NCOR1: variants seen among roughly 807,000 people sequenced by gnomAD.
NCOR1 encodes the protein nuclear receptor corepressor 1, also known as protein phosphatase 1, regulatory subunit 109.
Under a neutral mutation model 288.1 loss-of-function variants are expected in NCOR1, and 63 were observed. The observed-to-expected ratio is 0.22, with a 90% confidence interval of 0.18 to 0.27. The LOEUF is 0.27. Ranked by LOEUF, NCOR1 falls within the 10% of genes least tolerant of loss-of-function variation. NCOR1 has a pLI of 1.00. For synonymous variants in NCOR1, 1,007 were observed against 1,065.9 expected, an observed-to-expected ratio of 0.94 and a Z score of 1.08; for missense variants, 2,397 against 3,019.2, an observed-to-expected ratio of 0.79 and a Z score of 4.83.
rs551209322 is a variant in NCOR1 at position 16,120,622 on chromosome 17, C to T, written c.1852+430G>A. Among the ~76,000 whole-genome samples, 8 of 152,072 alleles carry T rather than the reference C, an allele frequency of 5.3e-5. No homozygotes were observed. In the East Asian group the frequency reaches 9.7e-4, roughly 18 times the overall value. ...GTATTCCCTTGCCTAAGAATTTATT[C>T]CATGACAAATAATTTAACATAAAAT... is the stretch of plus-strand genomic sequence containing the variant. On this transcript the variant is annotated intron_variant, in intron 16 of 45. Coordinates refer to ENST00000268712, the MANE Select transcript of NCOR1 (RefSeq NM_006311.4).
intron 2 of NCOR1, among the ~76,000 whole-genome samples, chr17:16,191,148 T>A (rs550044061): frequency 1.3e-5 from 2 of 152,314 alleles, no homozygotes; most frequent in African/African-American, 4.8e-5. Flanking sequence ...CTAAAAATAA[T>A]TTCTGATGAT....
intron 14 of NCOR1, among the ~76,000 whole-genome samples, chr17:16,127,931 A>T (rs904556348): frequency 6.6e-6 from 1 of 151,992 alleles, no homozygotes; most frequent in Middle Eastern, 3.4e-3. Context: ...AGCTTACTGC[A>T]GCCTCAAACT....
rs765347415 is a variant in NCOR1, at chr17:16,072,241, G to A, written c.3812-13C>T. The A allele has an allele frequency of 6.9e-6, 11 of 1,592,748 alleles. No individual in the cohort carries two copies. Among genetic ancestry groups the A allele is most frequent in the Non-Finnish European group, 9.5e-6 (11 of 1,163,810 alleles). ...CGGCATATCAGCCCTTCCAAAACAA[G>A]AAAGCAATTCAATTATTCAACATAA... On this transcript the variant is annotated splice_polypyrimidine_tract_variant and intron_variant, in intron 28 of 45. Coordinates refer to ENST00000268712, the MANE Select transcript of NCOR1 (RefSeq NM_006311.4).
At chr17:16,079,851 G>A in intron 26 of NCOR1, 113 bp downstream of exon 26, 1 of 803,236 alleles carries the variant, frequency 1.2e-6, no homozygotes, top group Non-Finnish European at 2.1e-6. Context: ...ATGAGACCCA[G>A]TCCCATAATG....
rs1491279081 is a variant in NCOR1, at chr17:16,070,119, TTA to T, written c.4513+44_4513+45del. 1,586 of 1,502,720 alleles carry T rather than the reference TTA, an allele frequency of 1.1e-3. 1 individual carries two copies. Among genetic ancestry groups the T allele is most frequent in the Admixed American group, 2.7e-3 (116 of 42,908 alleles). 93.1% of individuals were successfully genotyped at this position (1,502,720 alleles called of 1,614,324 possible). A position where few individuals can be genotyped will look rare whatever the true frequency, so the allele number is the denominator to read the frequency against. Reference sequence around the variant, plus strand: ...TTGACAAAGGTTTTTTTTTTTTTTTTTAAATGCAATAAAAAGTATCAGACCAA... The same window carrying T: ...TTGACAAAGGTTTTTTTTTTTTTTTTAATGCAATAAAAAGTATCAGACCAA... On this transcript the variant is annotated intron_variant, in intron 31 of 45. Transcript: ENST00000268712.
chr17:16,041,977 G>A (rs533526651), intron 42 of NCOR1, among the ~76,000 whole-genome samples: 5 of 151,870 alleles, frequency 3.3e-5, no homozygotes, highest in East Asian at 3.9e-4. Flanking sequence ...ACCTCGATAT[G>A]CCCGCCTCGG....
At chr17:16,113,763 TGC>T (rs1341333647) in intron 18 of NCOR1, among the ~76,000 whole-genome samples, 3 of 151,896 alleles carry the variant, frequency 2.0e-5, no homozygotes, top group Non-Finnish European at 4.4e-5. Context: ...CATAGCGGCG[TGC>T]GCCTGTAATC....
At chr17:16,056,903 TAC>T (rs1231567719) in intron 40 of NCOR1, 2 of 150,936 alleles carry the variant, frequency 1.3e-5, no homozygotes, top group South Asian at 2.1e-4. Context: ...CATACATATA[TAC>T]ATATATATAT....
At chr17:16,093,899 G>T (rs113040515) in intron 21 of NCOR1, among the ~76,000 whole-genome samples, 1 of 151,788 alleles carries the variant, frequency 6.6e-6, no homozygotes, top group African/African-American at 2.4e-5. Flanking sequence ...TAACCTTTAC[G>T]ATAATTTTTT....
At chr17:16,173,567 A>G (rs190571469) in intron 3 of NCOR1, among the ~76,000 whole-genome samples, 65 of 152,354 alleles carry the variant, frequency 4.3e-4, no homozygotes, top group African/African-American at 1.5e-3. Flanking sequence ...GAGGATACAA[A>G]ATCAACACAC....
intron 19 of NCOR1, among the ~76,000 whole-genome samples, chr17:16,103,890 C>G (rs905577827): frequency 6.6e-6 from 1 of 152,194 alleles, no homozygotes; most frequent in Non-Finnish European, 1.5e-5. Context: ...CATGCCTGTG[C>G]TCCCAGCTAC....
chr17:16,213,194 G>A (rs753478652), intron 1 of NCOR1, among the ~76,000 whole-genome samples: 2 of 151,864 alleles, frequency 1.3e-5, no homozygotes, highest in Non-Finnish European at 2.9e-5. Context: ...AATCCAACAA[G>A]TATTCAATTA....
In NCOR1 at chr17:16,137,403, C is replaced by G. The variant is rs760228822; in HGVS notation, c.1417G>C (p.Asp473His). The G allele has an allele frequency of 6.6e-7, 1 of 1,520,392 alleles. No individual in the cohort carries two copies. Among genetic ancestry groups the G allele is most frequent in the Non-Finnish European group, 9.0e-7 (1 of 1,113,924 alleles). The allele number at this position is 1,520,392 out of a possible 1,614,324, so 94.2% of individuals were successfully genotyped here. Reference protein sequence around the residue: ...ASYLERKSVPDCVLYYYLTKK... With the variant: ...ASYLERKSVPHCVLYYYLTKK... ...GTTAAATAGTAATACAAAACACAAT[C>G]AGGAACACTCTGTAAGAAATAAAAC... The change falls in exon 14 of 46, where the codon GAT (aspartate) becomes CAT (histidine). Residue 473 changes from aspartate to histidine, a missense_variant. Asp to His is a moderately conservative substitution (Grantham distance 81, BLOSUM62 -1). Coordinates refer to ENST00000268712, the MANE Select transcript of NCOR1 (RefSeq NM_006311.4).
intron 44 of NCOR1, among the ~76,000 whole-genome samples, chr17:16,037,582 A>G (rs986538359): frequency 1.3e-5 from 2 of 152,256 alleles, no homozygotes; most frequent in South Asian, 4.1e-4. Flanking sequence ...CTCAGAGTAC[A>G]GAAACTACTA....
At chr17:16,106,854 C>CACATAT (rs1555652880) in intron 19 of NCOR1, among the ~76,000 whole-genome samples, 1 of 46,154 alleles carries the variant, frequency 2.2e-5, no homozygotes, top group African/African-American at 1.1e-4. Flanking sequence ...CTTGATCAGA[C>CACATAT]ATATATATAT....
intron 14 of NCOR1, among the ~76,000 whole-genome samples, chr17:16,130,623 T>A (rs1389763487): frequency 6.6e-6 from 1 of 152,190 alleles, no homozygotes; most frequent in Non-Finnish European, 1.5e-5. Context: ...CTAGAACACA[T>A]ATAAAACAAA....
intron 22 of NCOR1, among the ~76,000 whole-genome samples, chr17:16,089,142 A>G (rs199527797): frequency 1.3e-5 from 2 of 150,280 alleles, no homozygotes; most frequent in Non-Finnish European, 3.0e-5. Flanking sequence ...TTTTTTTTAA[A>G]TGATGGAAAT....
Position 16,172,343 on chromosome 17 carries a change from G to A in NCOR1, c.243-348C>T, listed in dbSNP as rs572889951. 1.8e-4 allele frequency among the ~76,000 whole-genome samples: 27 copies of A among 151,930 alleles called. 1 individual carries two copies. Among genetic ancestry groups the A allele is most frequent in the Admixed American group, 3.9e-4 (6 of 15,280 alleles). The stretch of plus-strand genomic sequence containing the variant: ...TGCACTCCAGCCTGGGCAACAATGT[G>A]AGACTCCGTCTTAAAACAAAAAAAA... On this transcript the variant is annotated intron_variant, in intron 3 of 45. Transcript: ENST00000268712.
chr17:16,199,281 A>G (rs1454017139), intron 1 of NCOR1, among the ~76,000 whole-genome samples: 2 of 150,922 alleles, frequency 1.3e-5, no homozygotes, highest in African/African-American at 4.9e-5. Flanking sequence ...CTAGCATACA[A>G]ATTTACAGGT....
Sources: gnomAD v4.1 joint callset for allele counts (sites outside exome capture counted in the v4.1 genomes callset) on GRCh38, gnomAD v4.1.1 for gene constraint, MANE v1.5 for transcripts, NCBI Gene and HGNC (gene_info 2026-07-23, HGNC 2026-07-21) for gene names.